GABRB1: variants seen among roughly 807,000 people sequenced by gnomAD.
GABRB1 encodes the protein gamma-aminobutyric acid type A receptor subunit beta1, also known as gamma-aminobutyric acid receptor subunit beta-1.
Under a neutral mutation model 51.6 loss-of-function variants are expected in GABRB1, and 17 were observed. The ratio of observed to expected loss-of-function variants is 0.33; its 90% CI spans 0.23 to 0.49. The LOEUF is 0.49. Among genes scored for constraint, GABRB1 ranks in the 20% least tolerant of loss-of-function variants. The probability of loss-of-function intolerance (pLI) is 0.99; values close to 1 mark genes in which losing one functional copy is unlikely to be tolerated. For synonymous variants in GABRB1, 247 were observed against 218.9 expected (o/e 1.13, Z -1.14); for missense variants, 410 against 600.6 (o/e 0.68, Z 3.32).
intron 4 of GABRB1, among the ~76,000 whole-genome samples, chr4:47,278,837 G>A (rs916036106): frequency 1.3e-5 from 2 of 152,114 alleles, no homozygotes; most frequent in African/African-American, 4.8e-5. Flanking sequence ...CAGTTGCCCT[G>A]TTTCTATGGA....
chr4:46,997,861 T>C (rs2109424387), intron 1 of GABRB1, among the ~76,000 whole-genome samples: 1 of 152,330 alleles, frequency 6.6e-6, no homozygotes, highest in East Asian at 1.9e-4. Flanking sequence ...ATCTTGACTA[T>C]TATGAATAAT....
chr4:47,070,149 C>A (rs943760823), intron 3 of GABRB1, among the ~76,000 whole-genome samples: 1 of 152,040 alleles, frequency 6.6e-6, no homozygotes, highest in Non-Finnish European at 1.5e-5. Context: ...CATTCTCCTG[C>A]CTCAGCCTCC....
At chr4:47,004,908 G>A (rs1375439017) in intron 1 of GABRB1, among the ~76,000 whole-genome samples, 1 of 152,108 alleles carries the variant, frequency 6.6e-6, no homozygotes, top group East Asian at 1.9e-4. Context: ...GTGTTTCCTC[G>A]AAGGTCAATG....
intron 3 of GABRB1, among the ~76,000 whole-genome samples, chr4:47,146,022 G>C (rs1433784927): frequency 6.6e-6 from 1 of 151,914 alleles, no homozygotes; most frequent in African/African-American, 2.4e-5. Flanking sequence ...TAGGGAAATG[G>C]GCACAGACAT....
chr4:47,305,203 G>T (rs1724421943), intron 4 of GABRB1, among the ~76,000 whole-genome samples: 1 of 152,056 alleles, frequency 6.6e-6, no homozygotes, highest in African/African-American at 2.4e-5. Flanking sequence ...TTTAACAATT[G>T]AGAGTTCCTA....
In GABRB1 at chr4:47,215,871, A is replaced by C. The variant is rs188463971; in HGVS notation, c.461+54402A>C. Among the ~76,000 whole-genome samples the C allele has an allele frequency of 1.3e-5, 2 of 152,102 alleles. 1 individual carries two copies. Among genetic ancestry groups the C allele is most frequent in the Non-Finnish European group, 2.9e-5 (2 of 67,992 alleles). ...GCCTCTTTAGAAGCCAGCTCAGTCAAATTCTTCATTCATATTGGATGACAC... is the reference window on the plus strand; with the variant it reads ...GCCTCTTTAGAAGCCAGCTCAGTCACATTCTTCATTCATATTGGATGACAC... On this transcript the variant is annotated intron_variant, in intron 4 of 8. Coordinates refer to ENST00000295454, the MANE Select transcript of GABRB1 (RefSeq NM_000812.4).
At chr4:47,132,106 A>G (rs1305939859) in intron 3 of GABRB1, among the ~76,000 whole-genome samples, 3 of 152,202 alleles carry the variant, frequency 2.0e-5, no homozygotes, top group Non-Finnish European at 4.4e-5. Flanking sequence ...ATTGAAGAAG[A>G]ATAAAAATCT....
intron 3 of GABRB1, among the ~76,000 whole-genome samples, chr4:47,150,250 G>A (rs1283612043): frequency 2.8e-5 from 4 of 140,478 alleles, no homozygotes; most frequent in African/African-American, 8.1e-5. Flanking sequence ...TGTTTGGTGA[G>A]CATGACAAAA....
At chr4:47,076,197 T>C (rs1354489157) in intron 3 of GABRB1, among the ~76,000 whole-genome samples, 2 of 152,350 alleles carry the variant, frequency 1.3e-5, no homozygotes, top group East Asian at 3.9e-4. Context: ...CTGCTAGGCC[T>C]GGTCAGCCCT....
At chr4:47,100,652 C>CA (rs964082514) in intron 3 of GABRB1, among the ~76,000 whole-genome samples, 1 of 151,582 alleles carries the variant, frequency 6.6e-6, no homozygotes, top group African/African-American at 2.4e-5. Flanking sequence ...CTTTTGCTAC[C>CA]AAATGTTGTG....
At chr4:47,330,834 ATAAACATG>A (rs1432770082) in intron 5 of GABRB1, among the ~76,000 whole-genome samples, 1 of 152,202 alleles carries the variant, frequency 6.6e-6, no homozygotes, top group African/African-American at 2.4e-5. Flanking sequence ...ATATGAATAT[ATAAACATG>A]TAAATACTCA....
At chr4:47,142,852 A>G (rs939745376) in intron 3 of GABRB1, among the ~76,000 whole-genome samples, 4 of 151,874 alleles carry the variant, frequency 2.6e-5, no homozygotes, top group Admixed American at 1.3e-4. Flanking sequence ...AATAATTGCC[A>G]CTTGAATCAG....
At chr4:47,203,775 C>T (rs1720000035) in intron 4 of GABRB1, among the ~76,000 whole-genome samples, 1 of 152,070 alleles carries the variant, frequency 6.6e-6, no homozygotes, top group South Asian at 2.1e-4. Flanking sequence ...GACATCACAG[C>T]TGCCCCCTCA....
At chr4:47,154,286 G>T (rs1717593790) in intron 3 of GABRB1, among the ~76,000 whole-genome samples, 1 of 150,010 alleles carries the variant, frequency 6.7e-6, no homozygotes, top group Non-Finnish European at 1.5e-5. Context: ...ATCCTAAGGG[G>T]CGTTTCTTTT....
intron 4 of GABRB1, among the ~76,000 whole-genome samples, chr4:47,274,978 T>C (rs1723025260): frequency 6.6e-6 from 1 of 152,186 alleles, no homozygotes; most frequent in Admixed American, 6.5e-5. Context: ...TGTTTTCAAA[T>C]TGTATTCGTG....
At chr4:47,131,692 A>G (rs1716424427) in intron 3 of GABRB1, among the ~76,000 whole-genome samples, 1 of 152,160 alleles carries the variant, frequency 6.6e-6, no homozygotes, top group Non-Finnish European at 1.5e-5. Context: ...ATGTTACGAT[A>G]TGGTAAAAGA....
At chr4:47,213,083 CT>C (rs1302257803) in intron 4 of GABRB1, among the ~76,000 whole-genome samples, 1 of 152,208 alleles carries the variant, frequency 6.6e-6, no homozygotes, top group Non-Finnish European at 1.5e-5. Context: ...AATATTACTT[CT>C]GGAATATATC....
At chr4:47,386,797 C>A (rs961305773) in intron 5 of GABRB1, among the ~76,000 whole-genome samples, 3 of 152,134 alleles carry the variant, frequency 2.0e-5, no homozygotes, top group African/African-American at 7.2e-5. Context: ...AATATAGTAA[C>A]CCCACATTCT....
At chr4:47,160,625 A>G (rs1469083155) in intron 3 of GABRB1, among the ~76,000 whole-genome samples, 2 of 152,042 alleles carry the variant, frequency 1.3e-5, no homozygotes, top group East Asian at 1.9e-4. Flanking sequence ...CCTCTGTACA[A>G]TTTCTCTTTA....
Sources: gnomAD v4.1 joint callset for allele counts (sites outside exome capture counted in the v4.1 genomes callset) on GRCh38, gnomAD v4.1.1 for gene constraint, MANE v1.5 for transcripts, NCBI Gene and HGNC (gene_info 2026-07-23, HGNC 2026-07-21) for gene names.